Variants in ADCY5 observed in about 807,000 individuals in gnomAD.
The protein encoded by ADCY5 is adenylate cyclase 5.
ADCY5 carries 30 observed loss-of-function variants against 119.7 expected under a neutral mutation model. The ratio of observed to expected loss-of-function variants is 0.25; its 90% confidence interval spans 0.19 to 0.34. The LOEUF (loss-of-function observed/expected upper bound fraction) is 0.34, where lower values mean the gene tolerates loss of function less well. ADCY5 is among the 10% of genes least tolerant of loss of function. The pLI is 1.00. For missense variants in ADCY5, 1,324 were observed against 1,775.2 expected (o/e 0.75, Z 4.57); for synonymous variants, 753 against 762.2 (o/e 0.99, Z 0.20).
Position 123,320,734 on chromosome 3 carries a change from G to T in ADCY5, c.2111+15C>A, listed in dbSNP as rs989910167. The T allele has an allele frequency of 6.2e-7, 1 of 1,612,258 alleles. No homozygotes were observed. The highest frequency in any genetic ancestry group is 1.3e-5 in the African/African-American group (1 of 74,878). On this transcript the variant is annotated intron_variant, in intron 9 of 20. Transcript: ENST00000462833. The stretch of plus-strand genomic sequence containing the variant: ...AGACCCAGGGAGCAGGAATAAGGAA[G>T]GGCATATTACTCACTTGTCCTTGGG...
At chr3:123,389,519 C>G (rs1461498404) in intron 1 of ADCY5, among the ~76,000 whole-genome samples, 1 of 152,060 alleles carries the variant, frequency 6.6e-6, no homozygotes, top group South Asian at 2.1e-4. Flanking sequence ...CACCCCCACA[C>G]CCCTGCTGCG....
intron 1 of ADCY5, among the ~76,000 whole-genome samples, chr3:123,423,293 T>A (rs1945336419): frequency 6.6e-6 from 1 of 152,188 alleles, no homozygotes; most frequent in African/African-American, 2.4e-5. Flanking sequence ...CCCCTGGCTA[T>A]AAAACCCATC....
At chr3:123,429,825 A>G (rs1389254217) in intron 1 of ADCY5, among the ~76,000 whole-genome samples, 1 of 151,738 alleles carries the variant, frequency 6.6e-6, no homozygotes, top group African/African-American at 2.4e-5. Flanking sequence ...GAGCAACCAC[A>G]CTCTGCTGGG....
Position 123,447,666 on chromosome 3 carries a change from G to A in ADCY5, c.880C>T (p.His294Tyr), listed in dbSNP as rs1404557474. 6.2e-7 allele frequency: 1 copy of A among 1,606,700 alleles called. No homozygotes were observed. Among genetic ancestry groups the A allele is most frequent in the African/African-American group, 1.3e-5 (1 of 74,894 alleles). Residue 294 changes from histidine (H) to tyrosine (Y), a missense_variant, in exon 1 of 21, where the codon CAC (histidine) becomes TAC (tyrosine). By Grantham distance (83) the His-to-Tyr change is moderately conservative (BLOSUM62 2). Around this residue, in one of 6 missense-constraint regions of ADCY5, gnomAD observed 585 missense variants for 569.9 expected, o/e 1.03. Coordinates refer to ENST00000462833, the MANE Select transcript of ADCY5 (RefSeq NM_183357.3). ...CAGGCCAGGCCCATGTGGTCCTGGTGGAAGGCGGCGCGGTTGCAAAGCACA... is the reference window on the plus strand; with the variant it reads ...CAGGCCAGGCCCATGTGGTCCTGGTAGAAGGCGGCGCGGTTGCAAAGCACA... Reference protein sequence around the residue: ...MAVLCNRAAFHQDHMGLACYA... With the variant: ...MAVLCNRAAFYQDHMGLACYA...
At chr3:123,325,534 T>A (rs929072058) in intron 7 of ADCY5, 72 bp from the exon 8 acceptor site, 6 of 1,591,098 alleles carry the variant, frequency 3.8e-6, no homozygotes, top group Non-Finnish European at 5.2e-6. Flanking sequence ...TCCCCAAACA[T>A]CGTACCTGGC....
In ADCY5 at chr3:123,318,160, C is replaced by T. The variant is rs1446775934; in HGVS notation, c.2257-43G>A. ...GGGTGAGAGGGGCCAAGGTACCTGG[C>T]CCGGTCTGCTCCAGCCCTGTCAATC... On this transcript the variant is annotated intron_variant, in intron 10 of 20. Transcript: ENST00000462833. 17 of 1,522,482 alleles carry T rather than the reference C, an allele frequency of 1.1e-5. No homozygotes were observed. In the African/African-American group the frequency reaches 1.9e-4, roughly 17 times the overall value. The allele number at this position is 1,522,482 out of a possible 1,614,324, so 94.3% of individuals were successfully genotyped here.
chr3:123,301,616 G>A (rs1939857168), intron 14 of ADCY5, among the ~76,000 whole-genome samples: 2 of 152,216 alleles, frequency 1.3e-5, no homozygotes, highest in Admixed American at 6.5e-5. Context: ...GTCAGCTGGT[G>A]GGGGCTGAAG....
chr3:123,327,928 A>G (rs541040264), intron 6 of ADCY5, among the ~76,000 whole-genome samples, 169 bp from the exon 7 acceptor site: 1 of 152,258 alleles, frequency 6.6e-6, no homozygotes, highest in South Asian at 2.1e-4. Context: ...CTCCATTACT[A>G]TCAAGTGGGC....
At chr3:123,340,787 G>A (rs1357167351) in intron 3 of ADCY5, among the ~76,000 whole-genome samples, 1 of 152,060 alleles carries the variant, frequency 6.6e-6, no homozygotes, top group Non-Finnish European at 1.5e-5. Flanking sequence ...AGATAGAATC[G>A]CCGTATGATC....
At chr3:123,414,048 G>C (rs1447715076) in intron 1 of ADCY5, among the ~76,000 whole-genome samples, 1 of 152,142 alleles carries the variant, frequency 6.6e-6, no homozygotes, top group Non-Finnish European at 1.5e-5. Context: ...GAGGGAGAGA[G>C]ACTGAGAAGG....
At chr3:123,356,684 A>G (rs1943051688) in intron 1 of ADCY5, among the ~76,000 whole-genome samples, 1 of 152,230 alleles carries the variant, frequency 6.6e-6, no homozygotes. Context: ...AAAGAAAAGA[A>G]GAAAGAATGA....
At chr3:123,311,424 T>C (rs1049045789) in intron 12 of ADCY5, among the ~76,000 whole-genome samples, 1 of 152,194 alleles carries the variant, frequency 6.6e-6, no homozygotes, top group Non-Finnish European at 1.5e-5. Context: ...TTCCCCGCCA[T>C]GCACATGGCA....
intron 1 of ADCY5, among the ~76,000 whole-genome samples, chr3:123,383,968 G>A (rs1300262427): frequency 8.5e-5 from 11 of 130,042 alleles, no homozygotes; most frequent in Admixed American, 1.6e-4. Context: ...GTGCGCGCGC[G>A]CACACACACA....
At chr3:123,367,832 A>G in intron 1 of ADCY5, 1 of 1,512,346 alleles carries the variant, frequency 6.6e-7, no homozygotes, top group Non-Finnish European at 8.8e-7. Context: ...GGCTCATTTT[A>G]GGTCAGCAGA....
chr3:123,301,910 C>G (rs1576541911), intron 14 of ADCY5, among the ~76,000 whole-genome samples: 1 of 151,984 alleles, frequency 6.6e-6, no homozygotes, highest in Non-Finnish European at 1.5e-5. Context: ...TTGCCACCAG[C>G]CCAGGGGTGG....
At chr3:123,442,164 C>T (rs1434593582) in intron 1 of ADCY5, among the ~76,000 whole-genome samples, 2 of 152,130 alleles carry the variant, frequency 1.3e-5, no homozygotes. Context: ...CATGTTGAAG[C>T]CCCCAGAGCA....
chr3:123,447,798 C>A lies in ADCY5; in HGVS notation c.748G>T (p.Val250Leu). The A allele has an allele frequency of 6.2e-7, 1 of 1,612,148 alleles. No homozygotes were observed. The highest frequency in any genetic ancestry group is 8.5e-7 in the Non-Finnish European group (1 of 1,179,182). Residue 250 changes from valine (V) to leucine (L), a missense_variant, in exon 1 of 21, where the codon GTG (valine) becomes TTG (leucine). Physicochemically the swap from Val to Leu is conservative, Grantham distance 32. Around this residue, in one of 6 missense-constraint regions of ADCY5, gnomAD observed 585 missense variants for 569.9 expected, o/e 1.03. Coordinates refer to ENST00000462833, the MANE Select transcript of ADCY5 (RefSeq NM_183357.3). ...SSLTMLMAVL[V>L]LVCLVMLAFH... Reference sequence around the variant, plus strand: ...GCCAACATGACCAGGCACACGAGCACCAGCACGGCCATGAGCATGGTGAGG... The same window carrying A: ...GCCAACATGACCAGGCACACGAGCAACAGCACGGCCATGAGCATGGTGAGG...
At chr3:123,334,612 C>T (rs62263782) in intron 3 of ADCY5, among the ~76,000 whole-genome samples, 2,499 of 152,232 alleles carry the variant, frequency 0.016, 46 homozygotes, top group Admixed American at 0.056. Flanking sequence ...GTGGCATGCA[C>T]CTGTAATCTC....
chr3:123,415,593 G>T (rs1228731521), intron 1 of ADCY5, among the ~76,000 whole-genome samples: 2 of 152,192 alleles, frequency 1.3e-5, no homozygotes, highest in Non-Finnish European at 2.9e-5. Flanking sequence ...AAGCGGAGGT[G>T]GCATGTCCCA....
Sources: gnomAD v4.1 joint callset for allele counts (sites outside exome capture counted in the v4.1 genomes callset) on GRCh38, gnomAD v4.1.1 for gene constraint, gnomAD v4.1.1 regional missense constraint, MANE v1.5 for transcripts, NCBI Gene and HGNC (gene_info 2026-07-23, HGNC 2026-07-21) for gene names.